Variants in BNC2 observed in about 807,000 individuals in gnomAD.
BNC2 encodes basonuclin zinc finger protein 2.
A neutral mutation model predicts 76.3 loss-of-function variants in BNC2; 20 were observed. The ratio of observed to expected loss-of-function variants is 0.26; its 90% CI spans 0.18 to 0.38. The LOEUF is 0.38. BNC2 is among the 10% of genes least tolerant of loss of function. BNC2 has a pLI of 1.00. For synonymous variants in BNC2, 582 were observed against 514.8 expected (o/e 1.13, Z -1.77); for missense variants, 1,382 against 1,399.8 (o/e 0.99, Z 0.20).
chr9:16,662,198 T>C (rs1053006484), intron 3 of BNC2, among the ~76,000 whole-genome samples: 1 of 152,230 alleles, frequency 6.6e-6, no homozygotes, highest in Non-Finnish European at 1.5e-5. Context: ...ATAGATATTC[T>C]GGTCCTCTAA....
intron 5 of BNC2, among the ~76,000 whole-genome samples, chr9:16,549,999 T>A (rs1170091505): frequency 2.0e-5 from 3 of 151,894 alleles, no homozygotes; most frequent in South Asian, 2.1e-4. Flanking sequence ...TATATTAAAA[T>A]AATAAAAATT....
chr9:16,802,412 C>G (rs185839700), intron 1 of BNC2, among the ~76,000 whole-genome samples: 2 of 152,280 alleles, frequency 1.3e-5, no homozygotes, highest in Admixed American at 6.5e-5. Context: ...TAGCAATATC[C>G]TTCACTCCCG....
At chr9:16,608,409 G>A (rs532552725) in intron 3 of BNC2, among the ~76,000 whole-genome samples, 3 of 151,278 alleles carry the variant, frequency 2.0e-5, no homozygotes, top group Non-Finnish European at 4.4e-5. Flanking sequence ...CTTCTTTCTT[G>A]TCTATTAAAC....
At chr9:16,636,115 T>C (rs1821317769) in intron 3 of BNC2, among the ~76,000 whole-genome samples, 1 of 152,168 alleles carries the variant, frequency 6.6e-6, no homozygotes, top group South Asian at 2.1e-4. Context: ...TTTTAGAATA[T>C]GGAGACTGTT....
At position 16,727,887 on chromosome 9, in the gene BNC2, C is replaced by A. The variant is rs1357786041; in HGVS notation, c.240G>T (p.Gln80His). Residue 80 changes from glutamine to histidine, a missense_variant, in exon 3 of 7, where the codon CAG (glutamine) becomes CAT (histidine). By Grantham distance (24) the Gln-to-His change is conservative. Transcript: ENST00000380672. Reference protein sequence around the residue: ...LRDSCTDNSMQFGTRTTTAEP... With the variant: ...LRDSCTDNSMHFGTRTTTAEP... ...CAGCCGTAGTCGTTCTGGTTCCGAA[C>A]TGCATGGAGTTGTCAGTACAGGAGT... The A allele has an allele frequency of 1.2e-6, 2 of 1,614,078 alleles. No homozygotes were observed. Among genetic ancestry groups the A allele is most frequent in the Admixed American group, 1.7e-5 (1 of 60,010 alleles).
At chr9:16,606,550 G>A (rs1427037889) in intron 3 of BNC2, among the ~76,000 whole-genome samples, 1 of 151,544 alleles carries the variant, frequency 6.6e-6, no homozygotes, top group Non-Finnish European at 1.5e-5. Flanking sequence ...TTGTGGGTAG[G>A]GGGACGGAGT....
At chr9:16,735,469 G>C (rs1442446396) in intron 2 of BNC2, among the ~76,000 whole-genome samples, 1 of 151,540 alleles carries the variant, frequency 6.6e-6, no homozygotes, top group Non-Finnish European at 1.5e-5. Context: ...AAAGTTGCAA[G>C]AATTATAAAG....
At chr9:16,753,150 A>AT (rs1825271347) in intron 1 of BNC2, among the ~76,000 whole-genome samples, 2 of 151,976 alleles carry the variant, frequency 1.3e-5, no homozygotes, top group Admixed American at 1.3e-4. Context: ...TTGAATAGTA[A>AT]CAATGGCTGT....
chr9:16,582,117 A>T lies in BNC2; in HGVS notation c.433+866T>A, dbSNP rs138495053. Among the ~76,000 whole-genome samples, 267 of 152,242 alleles carry T rather than the reference A, an allele frequency of 1.8e-3. 2 individuals are homozygous for T. The highest frequency in any genetic ancestry group is 6.1e-3 in the African/African-American group (254 of 41,538). On this transcript the variant is annotated intron_variant, in intron 4 of 6. Coordinates refer to ENST00000380672, the MANE Select transcript of BNC2 (RefSeq NM_017637.6). ...CTGCTTGGGAATGAAGAATATGTCC[A>T]CTTAAGAGGCAATACCCGGGGCTGT...
At chr9:16,709,605 G>C (rs1048747085) in intron 3 of BNC2, among the ~76,000 whole-genome samples, 1 of 152,160 alleles carries the variant, frequency 6.6e-6, no homozygotes, top group African/African-American at 2.4e-5. Context: ...TCTTTCTCAA[G>C]AAAAACCTAT....
intron 3 of BNC2, among the ~76,000 whole-genome samples, chr9:16,682,030 GA>G (rs1007693084): frequency 3.4e-5 from 5 of 147,814 alleles, no homozygotes; most frequent in Admixed American, 6.8e-5. Flanking sequence ...ATTTGGAACA[GA>G]AAAAAAAAAG....
chr9:16,587,503 A>G (rs541806025), intron 3 of BNC2, among the ~76,000 whole-genome samples: 17 of 152,272 alleles, frequency 1.1e-4, no homozygotes, highest in African/African-American at 2.9e-4. Flanking sequence ...GGTTACTACC[A>G]TAATTCCAGT....
At chr9:16,790,734 A>C (rs1817481920) in intron 1 of BNC2, among the ~76,000 whole-genome samples, 1 of 151,218 alleles carries the variant, frequency 6.6e-6, no homozygotes, top group Non-Finnish European at 1.5e-5. Flanking sequence ...GACTTTGATA[A>C]GTTAGTTATC....
rs761543047 is a variant in BNC2, at chr9:16,552,683, G to A, written c.516C>T (p.Ser172=). Residue 172 remains serine (S), a synonymous_variant, in exon 5 of 7, where the codon AGC becomes AGT. Transcript: ENST00000380672. Reference sequence around the variant, plus strand: ...CTTGTGTCCCATAGAGCATCAGGCTGCTGATGTCAAACACGACGTTGGACT... The same window carrying A: ...CTTGTGTCCCATAGAGCATCAGGCTACTGATGTCAAACACGACGTTGGACT... ...IVQSNVVFDI[S]SLMLYGTQAV... 5 of 1,614,110 alleles carry A rather than the reference G, an allele frequency of 3.1e-6. No homozygotes were observed. The highest frequency in any genetic ancestry group is 2.2e-5 in the East Asian group (1 of 44,876).
chr9:16,491,075 T>C (rs1480661086), intron 5 of BNC2, among the ~76,000 whole-genome samples: 1 of 151,946 alleles, frequency 6.6e-6, no homozygotes. Flanking sequence ...TTGTGGTGGG[T>C]TCCCACAGGG....
intron 6 of BNC2, among the ~76,000 whole-genome samples, 163 bp from the exon 7 acceptor site, chr9:16,419,812 G>C (rs1820674066): frequency 6.6e-6 from 1 of 152,114 alleles, no homozygotes; most frequent in South Asian, 2.1e-4. Flanking sequence ...ATATCCTCAG[G>C]ATCTGGGAGT....
chr9:16,737,032 C>T (rs910740637), intron 2 of BNC2, among the ~76,000 whole-genome samples: 1 of 151,098 alleles, frequency 6.6e-6, no homozygotes, highest in Admixed American at 6.6e-5. Flanking sequence ...TCTCGAACTC[C>T]CAACCTCAGG....
At chr9:16,546,201 C>T (rs1039395921) in intron 5 of BNC2, among the ~76,000 whole-genome samples, 4 of 152,116 alleles carry the variant, frequency 2.6e-5, no homozygotes, top group African/African-American at 9.7e-5. Context: ...TACATTTCAT[C>T]TATATTATTT....
chr9:16,531,133 A>C (rs1817961799), intron 5 of BNC2, among the ~76,000 whole-genome samples: 1 of 152,204 alleles, frequency 6.6e-6, no homozygotes, highest in South Asian at 2.1e-4. Flanking sequence ...AAATGTTCTA[A>C]GGGAGCCTTT....
Sources: gnomAD v4.1 joint callset for allele counts (sites outside exome capture counted in the v4.1 genomes callset) on GRCh38, gnomAD v4.1.1 for gene constraint, MANE v1.5 for transcripts, NCBI Gene and HGNC (gene_info 2026-07-23, HGNC 2026-07-21) for gene names.